The following NRXN3 variants were observed in gnomAD, a reference collection of about 807,000 sequenced individuals.
NRXN3 encodes neurexin III.
A neutral mutation model predicts 137.6 loss-of-function variants in NRXN3; 32 were observed. The observed-to-expected ratio is 0.23, with a 90% CI of 0.18 to 0.31. The LOEUF (loss-of-function observed/expected upper bound fraction) is 0.31, where lower values mean the gene tolerates loss of function less well. NRXN3 is among the 10% of genes least tolerant of loss of function. The pLI, the probability that NRXN3 is intolerant of heterozygous loss-of-function variation, is 1.00. For synonymous variants in NRXN3, 798 were observed against 784.5 expected (o/e 1.02, Z -0.29); for missense variants, 1,574 against 2,062.5 (o/e 0.76, Z 4.59).
At chr14:78,997,400 G>A (rs777731356) in intron 15 of NRXN3, among the ~76,000 whole-genome samples, 5 of 152,068 alleles carry the variant, frequency 3.3e-5, no homozygotes, top group Non-Finnish European at 5.9e-5. Context: ...CTTACTTAAG[G>A]TGACGGCAAT....
At chr14:79,353,692 G>C (rs915962274) in intron 15 of NRXN3, among the ~76,000 whole-genome samples, 18 of 152,082 alleles carry the variant, frequency 1.2e-4, no homozygotes, top group Non-Finnish European at 2.5e-4. Flanking sequence ...ACATATTGCT[G>C]GGTGCTTTGC....
chr14:78,259,968 C>T (rs1197945176), intron 2 of NRXN3, among the ~76,000 whole-genome samples: 1 of 152,090 alleles, frequency 6.6e-6, no homozygotes, highest in Non-Finnish European at 1.5e-5. Flanking sequence ...AGCTGGTATG[C>T]GATGGGAACC....
At chr14:79,291,966 C>A (rs1185344745) in intron 15 of NRXN3, among the ~76,000 whole-genome samples, 1 of 152,070 alleles carries the variant, frequency 6.6e-6, no homozygotes, top group East Asian at 1.9e-4. Flanking sequence ...TGCATTTAAT[C>A]TTTACTGACC....
At chr14:79,377,253 G>A (rs2153447686) in intron 15 of NRXN3, among the ~76,000 whole-genome samples, 1 of 152,296 alleles carries the variant, frequency 6.6e-6, no homozygotes. Flanking sequence ...ATGTTTCACA[G>A]AAGATATTGA....
At chr14:79,336,743 T>A (rs1022822416) in intron 15 of NRXN3, among the ~76,000 whole-genome samples, 2 of 152,192 alleles carry the variant, frequency 1.3e-5, no homozygotes, top group Admixed American at 1.3e-4. Context: ...GTGCTATGAC[T>A]CTTTCAACTC....
At chr14:79,143,386 G>A (rs908696602) in intron 15 of NRXN3, among the ~76,000 whole-genome samples, 15 of 152,310 alleles carry the variant, frequency 9.8e-5, no homozygotes, top group African/African-American at 3.6e-4. Flanking sequence ...GAAAAAGAAA[G>A]TCAGTGAAAA....
chr14:78,755,705 A>T (rs1467354412), intron 8 of NRXN3, among the ~76,000 whole-genome samples: 1 of 152,150 alleles, frequency 6.6e-6, no homozygotes, highest in African/African-American at 2.4e-5. Context: ...GGCTGAGGAA[A>T]GGTACTTAGT....
At chr14:79,317,276 A>G (rs2088996178) in intron 15 of NRXN3, among the ~76,000 whole-genome samples, 1 of 152,022 alleles carries the variant, frequency 6.6e-6, no homozygotes, top group African/African-American at 2.4e-5. Context: ...ATCTCTCTGG[A>G]GGCTCTCAGG....
chr14:78,532,496 A>T (rs1398768948), intron 4 of NRXN3, among the ~76,000 whole-genome samples: 1 of 146,968 alleles, frequency 6.8e-6, no homozygotes, highest in South Asian at 2.1e-4. Context: ...TTTAGAGATG[A>T]CTTCTCTCAT....
chr14:79,137,811 T>C (rs574258094), intron 15 of NRXN3, among the ~76,000 whole-genome samples: 10 of 152,312 alleles, frequency 6.6e-5, no homozygotes, highest in Admixed American at 3.3e-4. Context: ...CATATGTTTT[T>C]TTCTCTGATA....
At chr14:78,256,158 G>A (rs189103992) in intron 2 of NRXN3, among the ~76,000 whole-genome samples, 32 of 152,188 alleles carry the variant, frequency 2.1e-4, no homozygotes, top group African/African-American at 7.2e-4. Flanking sequence ...CCATGTCAAT[G>A]CAGTGGAATG....
At chr14:78,541,329 C>T (rs532940814) in intron 4 of NRXN3, among the ~76,000 whole-genome samples, 18 of 152,184 alleles carry the variant, frequency 1.2e-4, no homozygotes, top group Middle Eastern at 6.8e-3. Context: ...ACTCTTTTTT[C>T]CCTAACCTTG....
intron 16 of NRXN3, among the ~76,000 whole-genome samples, chr14:79,511,255 C>T (rs2096929765): frequency 6.6e-6 from 1 of 152,130 alleles, no homozygotes; most frequent in Non-Finnish European, 1.5e-5. Flanking sequence ...CTTTAGCTCC[C>T]CAGCACGTCT....
intron 15 of NRXN3, among the ~76,000 whole-genome samples, chr14:79,238,863 C>T (rs982450162): frequency 6.6e-6 from 1 of 152,066 alleles, no homozygotes; most frequent in Non-Finnish European, 1.5e-5. Flanking sequence ...AATGTCATAG[C>T]TAGCATTTCT....
chr14:78,918,285 CAAAA>C (rs71454807), intron 10 of NRXN3, among the ~76,000 whole-genome samples: 29 of 34,654 alleles, frequency 8.4e-4, no homozygotes, highest in Non-Finnish European at 1.2e-3. Flanking sequence ...AACTCCATCT[CAAAA>C]AAAAAAAAAA....
intron 4 of NRXN3, among the ~76,000 whole-genome samples, chr14:78,388,913 A>G (rs191264028): frequency 1.3e-5 from 2 of 152,068 alleles, no homozygotes; most frequent in Admixed American, 6.5e-5. Context: ...CATTTTTTAT[A>G]TATATTCAAC....
At chr14:78,664,706 A>C (rs1467374926) in intron 6 of NRXN3, among the ~76,000 whole-genome samples, 1 of 152,192 alleles carries the variant, frequency 6.6e-6, no homozygotes, top group East Asian at 1.9e-4. Flanking sequence ...AATGCATTGC[A>C]ATTGTTATTA....
intron 15 of NRXN3, among the ~76,000 whole-genome samples, chr14:79,236,674 G>A (rs966958586): frequency 2.8e-4 from 43 of 152,076 alleles, no homozygotes; most frequent in Admixed American, 2.6e-4. Context: ...CACTTTGGGA[G>A]GCCGAGGTGG....
At chr14:78,186,227 T>C (rs2060218421) in intron 1 of NRXN3, among the ~76,000 whole-genome samples, 1 of 152,216 alleles carries the variant, frequency 6.6e-6, no homozygotes, top group Non-Finnish European at 1.5e-5. Flanking sequence ...CCAGTCTTCG[T>C]TGGTCAATGT....
Sources: gnomAD v4.1 joint callset for allele counts (sites outside exome capture counted in the v4.1 genomes callset) on GRCh38, gnomAD v4.1.1 for gene constraint, MANE v1.5 for transcripts, NCBI Gene and HGNC (gene_info 2026-07-23, HGNC 2026-07-21) for gene names.